Variants in EP300 observed in about 807,000 individuals in gnomAD.
The protein encoded by EP300 is histone acetyltransferase p300.
In EP300, 31 loss-of-function variants were observed where a neutral mutation model predicts 264.0. The observed-to-expected ratio is 0.12, with a 90% confidence interval of 0.09 to 0.16. The LOEUF (loss-of-function observed/expected upper bound fraction) is 0.16. Among genes scored for constraint, EP300 ranks in the 10% least tolerant of loss-of-function variants. The pLI is 1.00. For synonymous variants in EP300, 1,340 were observed against 1,045.4 expected, an observed-to-expected ratio of 1.28 and a Z score of -5.44; for missense variants, 2,766 against 3,052.9, an observed-to-expected ratio of 0.91 and a Z score of 2.21.
intron 19 of EP300, chr22:41,160,364 TTTGTG>T: frequency 2.4e-6 from 1 of 421,784 alleles, no homozygotes; most frequent in East Asian, 4.3e-5. Flanking sequence ...CTTCGTTTGT[TTTGTG>T]TTTTTTTTTC....
chr22:41,149,308 C>T, intron 13 of EP300, 133 bp downstream of exon 13: 1 of 1,028,242 alleles, frequency 9.7e-7, no homozygotes, highest in Non-Finnish European at 1.5e-6. Flanking sequence ...CAATTTTGGA[C>T]TTAGGGTATT....
chr22:41,157,236 A>G lies in EP300; in HGVS notation c.3329A>G (p.Gln1110Arg). 1.2e-6 allele frequency: 2 copies of G among 1,614,218 alleles called. No homozygotes were observed. Among genetic ancestry groups the G allele is most frequent in the Non-Finnish European group, 1.7e-6 (2 of 1,180,028 alleles). The change falls in exon 18 of 31, where the codon CAG becomes CGG. Residue 1110 changes from glutamine (Q) to arginine (R), a missense_variant. By Grantham distance (43) the Gln-to-Arg change is conservative (BLOSUM62 1). Coordinates refer to ENST00000263253, the MANE Select transcript of EP300 (RefSeq NM_001429.4). ...ATTAAGAGGAAGTTAGACACTGGAC[A>G]GTATCAGGAGCCCTGGCAGTATGTC... ...STIKRKLDTG[Q>R]YQEPWQYVDD...
At position 41,100,643 on chromosome 22, in the gene EP300, T is replaced by C. The variant is rs1442544929; in HGVS notation, c.94+7545T>C. On this transcript the variant is annotated intron_variant, in intron 1 of 30. Transcript: ENST00000263253. Reference sequence around the variant, plus strand: ...CCTAAACAATACAGTGCACCAACTATTTATGTTGCATTTACACTGCATTAG... The same window carrying C: ...CCTAAACAATACAGTGCACCAACTACTTATGTTGCATTTACACTGCATTAG... Among the ~76,000 whole-genome samples the C allele has an allele frequency of 2.0e-5, 3 of 147,952 alleles. 1 individual carries two copies. Among genetic ancestry groups the C allele is most frequent in the African/African-American group, 8.0e-5 (3 of 37,376 alleles).
Position 41,127,486 on chromosome 22 carries a change from G to C in EP300, c.907-1G>C. On this transcript the variant is annotated splice_acceptor_variant, in intron 3 of 30. Transcript: ENST00000263253. LOFTEE classifies it high-confidence loss of function. ...ATTAAATATATTGTTATATCTCTCA[G>C]GGTCAACAGCCAGCCCCGCAGGTCC... The C allele has an allele frequency of 6.2e-7, 1 of 1,614,032 alleles. No homozygotes were observed. Among genetic ancestry groups the C allele is most frequent in the African/African-American group, 1.3e-5 (1 of 75,026 alleles).
At position 41,117,787 on chromosome 22, in the gene EP300, G is replaced by A. The variant is rs1261612920; in HGVS notation, c.695G>A (p.Gly232Glu). The A allele has an allele frequency of 3.7e-6, 6 of 1,614,096 alleles. No homozygotes were observed. The change falls in exon 2 of 31, where the codon GGA (glycine) becomes GAA (glutamate). Residue 232 changes from glycine to glutamate, a missense_variant. Physicochemically the swap from Gly to Glu is moderately conservative, Grantham distance 98 (BLOSUM62 -2). Coordinates refer to ENST00000263253, the MANE Select transcript of EP300 (RefSeq NM_001429.4). ...CAGCAGGGCTCTCCCCAGATGGGAG[G>A]ACAAACAGGATTGAGAGGCCCCCAG... ...PLQQGSPQMG[G>E]QTGLRGPQPL...
chr22:41,162,104 T>A (rs2059111638), intron 20 of EP300, among the ~76,000 whole-genome samples: 1 of 152,178 alleles, frequency 6.6e-6, no homozygotes, highest in Non-Finnish European at 1.5e-5. Context: ...GATCCAAGTG[T>A]CTATTTCTAA....
intron 19 of EP300, 64 bp from the exon 20 acceptor site, chr22:41,160,578 G>A (rs1216156686): frequency 2.6e-6 from 4 of 1,540,006 alleles, no homozygotes; most frequent in South Asian, 1.1e-5. Flanking sequence ...TGGCTTCGTT[G>A]CTTGGCTTGG....
chr22:41,169,034 CA>C (rs1243504577), intron 25 of EP300, among the ~76,000 whole-genome samples, 167 bp downstream of exon 25: 1 of 152,126 alleles, frequency 6.6e-6, no homozygotes, highest in Admixed American at 6.6e-5. Flanking sequence ...AGCAAACCCC[CA>C]AACAAAATAA....
intron 1 of EP300, among the ~76,000 whole-genome samples, chr22:41,094,810 A>G (rs754753218): frequency 1.3e-5 from 2 of 152,136 alleles, no homozygotes; most frequent in Non-Finnish European, 1.5e-5. Flanking sequence ...ACGTAGGGGA[A>G]ACTTTTTTGT....
intron 17 of EP300, 31 bp from the exon 18 acceptor site, chr22:41,157,138 G>C (rs762847502): frequency 1.2e-5 from 19 of 1,613,406 alleles, no homozygotes; most frequent in Non-Finnish European, 1.5e-5. Context: ...AGTGAGACTT[G>C]AGTAATGTTT....
Position 41,178,260 on chromosome 22 carries a change from G to A in EP300, c.6549G>A (p.Leu2183=), listed in dbSNP as rs749295430. ...TGCCTTCACAATTCCGAGACATCTT[G>A]AGACGACAGCAAATGATGCAACAGC... ...NTMPSQFRDI[L]RRQQMMQQQQ... is the part of the protein sequence containing the mutation. Residue 2183 remains leucine, a synonymous_variant, in exon 31 of 31, where the codon TTG becomes TTA. Coordinates refer to ENST00000263253, the MANE Select transcript of EP300 (RefSeq NM_001429.4). The A allele has an allele frequency of 7.4e-6, 12 of 1,613,882 alleles. No individual in the cohort carries two copies. The highest frequency in any genetic ancestry group is 1.7e-5 in the Admixed American group (1 of 59,992).
rs9611506 is a variant in EP300 at position 41,146,834 on chromosome 22, T to A, written c.2131+18T>A. 56,289 of 1,605,846 alleles carry A rather than the reference T, an allele frequency of 0.035. 1,304 individuals carry two copies. Among genetic ancestry groups the A allele is most frequent in the South Asian group, 0.087 (7,904 of 90,526 alleles). On this transcript the variant is annotated intron_variant, in intron 11 of 30. Coordinates refer to ENST00000263253, the MANE Select transcript of EP300 (RefSeq NM_001429.4). ...ACAATCTGGTAAATAGTGAAAAAAA[T>A]TTTTTTATTTTAAAAGAATCCCCGG...
chr22:41,125,714 C>A, intron 2 of EP300, 150 bp from the exon 3 acceptor site: 2 of 812,876 alleles, frequency 2.5e-6, no homozygotes, highest in Non-Finnish European at 3.8e-6. Flanking sequence ...GGGGTTTTGT[C>A]ACGTTGCCCA....
At chr22:41,120,679 C>T (rs902832922) in intron 2 of EP300, among the ~76,000 whole-genome samples, 1 of 152,122 alleles carries the variant, frequency 6.6e-6, no homozygotes, top group Non-Finnish European at 1.5e-5. Flanking sequence ...TTACCCCAAT[C>T]TTTAGATTCA....
chr22:41,128,791 G>A lies in EP300; in HGVS notation c.1168+1043G>A, dbSNP rs145499263. On this transcript the variant is annotated intron_variant, in intron 4 of 30. Coordinates refer to ENST00000263253, the MANE Select transcript of EP300 (RefSeq NM_001429.4). ...CTCCCAAAGTGTTAGGATTACAGGCGTGAGCCACCACGCTTGGCCAATATG... is the reference window on the plus strand; with the variant it reads ...CTCCCAAAGTGTTAGGATTACAGGCATGAGCCACCACGCTTGGCCAATATG... 7.5e-3 allele frequency among the ~76,000 whole-genome samples: 1,146 copies of A among 152,146 alleles called. 12 individuals carry two copies. Among genetic ancestry groups the A allele is most frequent in the African/African-American group, 0.026 (1,099 of 41,504 alleles).
At chr22:41,098,238 G>A (rs1354034571) in intron 1 of EP300, among the ~76,000 whole-genome samples, 1 of 152,062 alleles carries the variant, frequency 6.6e-6, no homozygotes, top group Non-Finnish European at 1.5e-5. Context: ...ATTTTCATGG[G>A]AAATTACTGC....
chr22:41,168,902 G>A (rs779903752), intron 25 of EP300, 35 bp downstream of exon 25: 7 of 1,613,962 alleles, frequency 4.3e-6, no homozygotes, highest in Admixed American at 1.7e-5. Context: ...CTCCGGATTT[G>A]TGTGGGAGTT....
intron 4 of EP300, 144 bp downstream of exon 4, chr22:41,127,892 A>C (rs2058892163): frequency 9.3e-7 from 1 of 1,074,748 alleles, no homozygotes; most frequent in Non-Finnish European, 1.4e-6. Context: ...AAAGTCACCA[A>C]AATGTATACA....
chr22:41,179,808 G>A lies in EP300; in HGVS notation c.*852G>A, dbSNP rs2059230602. Reference sequence around the variant, plus strand: ...GGGTAAGAAACGATTCCGGTGGGATGATTTTAACATGCAAAATGTCCCTGG... The same window carrying A: ...GGGTAAGAAACGATTCCGGTGGGATAATTTTAACATGCAAAATGTCCCTGG... On this transcript the variant is annotated 3_prime_UTR_variant, in exon 31 of 31. Transcript: ENST00000263253. 1 of 227,320 alleles carries A rather than the reference G, an allele frequency of 4.4e-6. No individual in the cohort carries two copies. The highest frequency in any genetic ancestry group is 8.7e-6 in the Non-Finnish European group (1 of 114,560). 14.1% of individuals were successfully genotyped at this position (227,320 alleles called of 1,614,324 possible). A position where few individuals can be genotyped will look rare whatever the true frequency, so the allele number is the denominator to read the frequency against.
Sources: allele counts gnomAD v4.1 joint callset (sites outside exome capture counted in the v4.1 genomes callset), GRCh38; gene constraint gnomAD v4.1.1; transcripts MANE v1.5; gene names NCBI Gene and HGNC (gene_info 2026-07-23, HGNC 2026-07-21).